Variants in DAB1 observed in about 807,000 individuals in gnomAD.
The protein encoded by DAB1 is disabled homolog 1.
A neutral mutation model predicts 64.6 loss-of-function variants in DAB1; 15 were observed. That is an observed-to-expected ratio of 0.23 (90% CI 0.16 to 0.36). DAB1 has a LOEUF of 0.36. DAB1 is among the 10% of genes least tolerant of loss of function. DAB1 has a pLI of 1.00. For missense variants in DAB1, 596 were observed against 706.7 expected, an observed-to-expected ratio of 0.84 and a Z score of 1.78; for synonymous variants, 235 against 251.9, an observed-to-expected ratio of 0.93 and a Z score of 0.64.
intron 1 of DAB1, among the ~76,000 whole-genome samples, chr1:57,376,285 G>T (rs541660295): frequency 2.6e-4 from 39 of 152,196 alleles, no homozygotes; most frequent in Non-Finnish European, 5.1e-4. Context: ...AATTTGCGCT[G>T]ATCATCAATG....
chr1:57,931,215 T>C (rs1644948355), intron 5 of DAB1, among the ~76,000 whole-genome samples: 1 of 152,180 alleles, frequency 6.6e-6, no homozygotes, highest in South Asian at 2.1e-4. Context: ...TTGATTGCGG[T>C]GTGTGATTCT....
At chr1:58,132,241 A>C (rs1435766909) in intron 5 of DAB1, among the ~76,000 whole-genome samples, 1 of 152,118 alleles carries the variant, frequency 6.6e-6, no homozygotes, top group African/African-American at 2.4e-5. Context: ...TCCGTCAGCG[A>C]TTTCTTTGAC....
chr1:57,105,910 T>C (rs1258314621), intron 4 of DAB1, among the ~76,000 whole-genome samples: 5 of 152,168 alleles, frequency 3.3e-5, no homozygotes, highest in Admixed American at 3.3e-4. Context: ...TCTGACTGAC[T>C]GTGGGAAACA....
At chr1:58,015,303 AC>A (rs376580340) in intron 5 of DAB1, among the ~76,000 whole-genome samples, 98 of 151,648 alleles carry the variant, frequency 6.5e-4, no homozygotes, top group South Asian at 5.8e-3. Flanking sequence ...CTCACCTCCA[AC>A]CCTTTAACTC....
chr1:57,498,803 C>G (rs746276456), intron 7 of DAB1, among the ~76,000 whole-genome samples: 4 of 152,128 alleles, frequency 2.6e-5, no homozygotes, highest in Non-Finnish European at 5.9e-5. Flanking sequence ...TTTATTGATT[C>G]AAGACTGAAG....
At chr1:57,940,062 A>G (rs1645080554) in intron 5 of DAB1, among the ~76,000 whole-genome samples, 1 of 152,254 alleles carries the variant, frequency 6.6e-6, no homozygotes, top group African/African-American at 2.4e-5. Context: ...AAGCACAAAT[A>G]CTGAAATGAA....
chr1:58,036,395 C>T (rs954199429), intron 5 of DAB1, among the ~76,000 whole-genome samples: 4 of 152,070 alleles, frequency 2.6e-5, no homozygotes, highest in African/African-American at 9.7e-5. Flanking sequence ...GCTGGTTGAG[C>T]GTGCCCTGCC....
chr1:57,172,330 G>C (rs891259532), intron 2 of DAB1, among the ~76,000 whole-genome samples: 9 of 152,122 alleles, frequency 5.9e-5, no homozygotes, highest in African/African-American at 2.2e-4. Flanking sequence ...TGCCACAGGT[G>C]CTTTATTCAT....
chr1:58,420,731 C>T (rs1293063641), intron 3 of DAB1, among the ~76,000 whole-genome samples: 1 of 152,160 alleles, frequency 6.6e-6, no homozygotes, highest in Admixed American at 6.5e-5. Context: ...TGGAACCCAC[C>T]TGGTAGGGTT....
intron 6 of DAB1, among the ~76,000 whole-genome samples, chr1:57,655,842 C>T (rs1467361582): frequency 2.6e-5 from 4 of 152,106 alleles, no homozygotes; most frequent in African/African-American, 9.7e-5. Context: ...TGTTTAACAA[C>T]TTTTGTTGAA....
At chr1:57,951,241 G>T (rs1645268765) in intron 5 of DAB1, among the ~76,000 whole-genome samples, 1 of 148,564 alleles carries the variant, frequency 6.7e-6, no homozygotes. Flanking sequence ...GGAAAGGAAG[G>T]ATAGACATTG....
chr1:58,320,480 G>A (rs1426874869), intron 4 of DAB1, among the ~76,000 whole-genome samples: 2 of 152,176 alleles, frequency 1.3e-5, no homozygotes, highest in Non-Finnish European at 2.9e-5. Flanking sequence ...CTGAGACTTC[G>A]AGAAATGAAG....
intron 1 of DAB1, among the ~76,000 whole-genome samples, chr1:57,877,545 ATTTTTTT>A (rs58070219): frequency 3.2e-4 from 21 of 65,082 alleles, no homozygotes; most frequent in Middle Eastern, 7.9e-3. Context: ...TAATTGATTT[ATTTTTTT>A]TTTTTTTTTT....
intron 3 of DAB1, among the ~76,000 whole-genome samples, chr1:58,371,277 GC>G (rs1644262100): frequency 6.6e-6 from 1 of 152,180 alleles, no homozygotes. Context: ...GCAGCAGTTT[GC>G]CCCTGCCCTA....
intron 2 of DAB1, among the ~76,000 whole-genome samples, chr1:57,150,775 A>G (rs539950563): frequency 6.6e-5 from 10 of 152,304 alleles, no homozygotes; most frequent in South Asian, 2.1e-4. Flanking sequence ...AAAATGTACA[A>G]GGATATTTGG....
chr1:57,312,705 T>C (rs939916776), intron 1 of DAB1, among the ~76,000 whole-genome samples: 4 of 152,076 alleles, frequency 2.6e-5, no homozygotes, highest in African/African-American at 9.7e-5. Context: ...GCCTTGAATG[T>C]AAAATGGCCC....
intron 5 of DAB1, among the ~76,000 whole-genome samples, chr1:57,983,950 C>T (rs1646129433): frequency 6.6e-6 from 1 of 151,984 alleles, no homozygotes; most frequent in Non-Finnish European, 1.5e-5. Context: ...GCTGCTCATA[C>T]CCAATGTATA....
rs144191724 is a variant in DAB1, at chr1:58,056,531, A to AT, written n.387+93979dup. 13,005 of 985,456 alleles carry AT rather than the reference A, an allele frequency of 0.013. 1,080 individuals are homozygous for AT. The African/African-American group carries it at 0.18, about 14-fold the overall frequency. 61.0% of individuals were successfully genotyped at this position (985,456 alleles called of 1,614,324 possible). On this transcript the variant is annotated intron_variant and non_coding_transcript_variant, in intron 5 of 20. Transcript: ENST00000485760. ...TCATGTGCATTCTTAATGTTGGGTT[A>AT]TGTCACCTTGCTCATCACAACCTAA...
chr1:57,128,413 G>A (rs1378800714), intron 4 of DAB1, among the ~76,000 whole-genome samples: 1 of 152,028 alleles, frequency 6.6e-6, no homozygotes, highest in Non-Finnish European at 1.5e-5. Context: ...AAGCAGAACA[G>A]AGTCAGCAGA....
Sources: allele counts gnomAD v4.1 joint callset (sites outside exome capture counted in the v4.1 genomes callset), GRCh38; gene constraint gnomAD v4.1.1; transcripts MANE v1.5; gene names NCBI Gene and HGNC (gene_info 2026-07-23, HGNC 2026-07-21).